ANO3: variants seen among roughly 807,000 people sequenced by gnomAD.
ANO3 encodes the protein anoctamin-3.
ANO3 carries 99 observed loss-of-function variants against 144.8 expected under a neutral mutation model. The ratio of observed to expected loss-of-function variants is 0.68; its 90% CI spans 0.58 to 0.81. The LOEUF is 0.81. Among genes scored for constraint, ANO3 ranks in the 30% least tolerant of loss-of-function variants. The pLI, the probability that ANO3 is intolerant of heterozygous loss-of-function variation, is 0.00. For missense variants in ANO3, 905 were observed against 1,202.2 expected (o/e 0.75, Z 3.66); for synonymous variants, 414 against 392.6 (o/e 1.05, Z -0.64).
intron 14 of ANO3, among the ~76,000 whole-genome samples, chr11:26,574,329 C>T (rs143126620): frequency 6.6e-6 from 1 of 152,258 alleles, no homozygotes; most frequent in African/African-American, 2.4e-5. Context: ...AGCTTGGGAC[C>T]ACACTTCAAA....
chr11:26,438,629 A>G (rs1269461948), intron 1 of ANO3, among the ~76,000 whole-genome samples: 5 of 149,606 alleles, frequency 3.3e-5, no homozygotes, highest in Non-Finnish European at 5.9e-5. Context: ...AAAAAAGAAA[A>G]TAGCCAGGCA....
chr11:26,613,229 C>A (rs544327184), intron 17 of ANO3, among the ~76,000 whole-genome samples: 1 of 152,142 alleles, frequency 6.6e-6, no homozygotes, highest in Admixed American at 6.5e-5. Flanking sequence ...TTTAAAAGAT[C>A]TGTATTCAAG....
Position 26,508,230 on chromosome 11 carries a change from C to T in ANO3, c.559C>T (p.Leu187Phe). Reference sequence around the variant, plus strand: ...TAAAAGAAACACATTTGAAAAGAACCTCAGAGCAGAAGGCTTGATGTTGGA... The same window carrying T: ...TAAAAGAAACACATTTGAAAAGAACTTCAGAGCAGAAGGCTTGATGTTGGA... The part of the protein sequence containing the change: ...YDKRNTFEKN[L>F]RAEGLMLEKE... Residue 187 changes from leucine (L) to phenylalanine (F), a missense_variant, in exon 5 of 27, where the codon CTC becomes TTC. Leu to Phe is a conservative substitution (Grantham distance 22). Transcript: ENST00000256737. The T allele has an allele frequency of 2.5e-6, 4 of 1,599,602 alleles. No homozygotes were observed. The highest frequency in any genetic ancestry group is 3.4e-6 in the Non-Finnish European group (4 of 1,175,566).
chr11:26,283,321 A>AATATATATATATATATATATATAT (rs58419788), intron 1 of ANO3, among the ~76,000 whole-genome samples: 1 of 49,132 alleles, frequency 2.0e-5, no homozygotes, highest in African/African-American at 6.5e-5. Flanking sequence ...CAAATAAATA[A>AATATATATATATATATATATATAT]ATATATATAT....
intron 17 of ANO3, among the ~76,000 whole-genome samples, chr11:26,616,156 C>G (rs1242501573): frequency 6.6e-6 from 1 of 152,012 alleles, no homozygotes; most frequent in Non-Finnish European, 1.5e-5. Context: ...ATTATAAAAT[C>G]AGTACATTGA....
intron 1 of ANO3, among the ~76,000 whole-genome samples, chr11:26,194,860 C>T (rs1006280631): frequency 2.0e-5 from 3 of 152,100 alleles, no homozygotes; most frequent in African/African-American, 7.2e-5. Context: ...GCCACCGTGT[C>T]CAGCCATGTA....
At chr11:26,657,901 C>T (rs886142069) in intron 26 of ANO3, among the ~76,000 whole-genome samples, 11 of 152,048 alleles carry the variant, frequency 7.2e-5, no homozygotes, top group Middle Eastern at 3.4e-3. Flanking sequence ...AAATATTTTC[C>T]CCATTCTATC....
At chr11:26,300,085 G>T (rs1000558750) in intron 1 of ANO3, among the ~76,000 whole-genome samples, 6 of 152,088 alleles carry the variant, frequency 3.9e-5, no homozygotes, top group Non-Finnish European at 8.8e-5. Context: ...CTCATGTGGG[G>T]TTATTATCAG....
intron 1 of ANO3, among the ~76,000 whole-genome samples, chr11:26,273,391 G>C (rs981633694): frequency 4.0e-5 from 6 of 151,888 alleles, no homozygotes; most frequent in African/African-American, 1.2e-4. Context: ...CATTACACAT[G>C]TAATTTTATG....
intron 4 of ANO3, among the ~76,000 whole-genome samples, chr11:26,486,150 C>A (rs944381236): frequency 6.6e-6 from 1 of 151,946 alleles, no homozygotes; most frequent in African/African-American, 2.4e-5. Flanking sequence ...ATCATGAGGT[C>A]AGGAGTTCAA....
intron 14 of ANO3, among the ~76,000 whole-genome samples, chr11:26,593,347 G>A (rs1255352752): frequency 2.6e-5 from 4 of 152,310 alleles, no homozygotes; most frequent in South Asian, 2.1e-4. Context: ...AGAAAGGCAT[G>A]TGAAAAGAGT....
intron 1 of ANO3, among the ~76,000 whole-genome samples, chr11:26,359,406 C>T (rs986571468): frequency 6.6e-6 from 1 of 152,128 alleles, no homozygotes; most frequent in African/African-American, 2.4e-5. Context: ...ATGTACAGTA[C>T]AGCAATCTCT....
intron 1 of ANO3, among the ~76,000 whole-genome samples, chr11:26,303,979 C>G (rs547611164): frequency 6.6e-6 from 1 of 152,220 alleles, no homozygotes; most frequent in South Asian, 2.1e-4. Context: ...TCCCAAAGTG[C>G]TAGGATTACA....
intron 1 of ANO3, among the ~76,000 whole-genome samples, chr11:26,191,438 C>T (rs1851476345): frequency 6.6e-6 from 1 of 152,056 alleles, no homozygotes; most frequent in Admixed American, 6.6e-5. Context: ...AATGCAGACA[C>T]CTGTATCGAC....
intron 1 of ANO3, among the ~76,000 whole-genome samples, chr11:26,379,576 G>A (rs1856527413): frequency 1.3e-5 from 2 of 151,972 alleles, no homozygotes; most frequent in South Asian, 4.2e-4. Context: ...GAGCACAGGA[G>A]TTCAAGACCA....
intron 3 of ANO3, among the ~76,000 whole-genome samples, chr11:26,451,522 A>G (rs994725018): frequency 4.9e-4 from 75 of 152,308 alleles, no homozygotes; most frequent in Non-Finnish European, 8.8e-4. Flanking sequence ...AGGCGGCAGC[A>G]AGGCTGGGGG....
chr11:26,606,176 G>A (rs1472720352), intron 17 of ANO3, among the ~76,000 whole-genome samples: 8 of 152,166 alleles, frequency 5.3e-5, no homozygotes, highest in Non-Finnish European at 1.0e-4. Flanking sequence ...ATTTATTTCT[G>A]CCTTAATTTT....
intron 14 of ANO3, among the ~76,000 whole-genome samples, chr11:26,562,232 T>C (rs942036688): frequency 6.6e-5 from 10 of 151,938 alleles, no homozygotes; most frequent in Non-Finnish European, 1.5e-4. Context: ...TTTGTATTAG[T>C]TCCTAGAAAC....
At chr11:26,486,065 A>G (rs1376175472) in intron 4 of ANO3, among the ~76,000 whole-genome samples, 1 of 145,616 alleles carries the variant, frequency 6.9e-6, no homozygotes, top group Non-Finnish European at 1.5e-5. Flanking sequence ...AAATTTATTT[A>G]TTTAAAAAAA....
Sources: gnomAD v4.1 joint callset for allele counts (sites outside exome capture counted in the v4.1 genomes callset) on GRCh38, gnomAD v4.1.1 for gene constraint, MANE v1.5 for transcripts, NCBI Gene and HGNC (gene_info 2026-07-23, HGNC 2026-07-21) for gene names.